Variants in PTP4A1 observed in about 807,000 individuals in gnomAD.
The protein encoded by PTP4A1 is protein tyrosine phosphatase 4A1.
PTP4A1 carries 9 observed loss-of-function variants against 20.5 expected under a neutral mutation model. The ratio of observed to expected loss-of-function variants is 0.44; its 90% CI spans 0.26 to 0.77. The LOEUF (loss-of-function observed/expected upper bound fraction) is 0.77, where lower values mean the gene tolerates loss of function less well. Among genes scored for constraint, PTP4A1 ranks in the 30% least tolerant of loss-of-function variants. The pLI, the probability that PTP4A1 is intolerant of heterozygous loss-of-function variation, is 0.19. For synonymous variants in PTP4A1, 78 were observed against 67.4 expected (o/e 1.16, Z -0.77); for missense variants, 137 against 218.8 (o/e 0.63, Z 2.36).
intron 3 of PTP4A1, among the ~76,000 whole-genome samples, chr6:63,550,827 T>C (rs1273812001): frequency 1.3e-5 from 2 of 152,172 alleles, no homozygotes; most frequent in Admixed American, 1.3e-4. Flanking sequence ...GATTTCACCA[T>C]GTTGGCCAGG....
upstream of PTP4A1, among the ~76,000 whole-genome samples, chr6:63,568,912 T>A (rs920475151): frequency 6.6e-6 from 1 of 152,194 alleles, no homozygotes; most frequent in Non-Finnish European, 1.5e-5. Flanking sequence ...TTATGGCCCA[T>A]TGGGGTATTT....
chr6:63,568,893 C>G (rs548692931), upstream of PTP4A1, among the ~76,000 whole-genome samples: 93 of 152,144 alleles, frequency 6.1e-4, no homozygotes, highest in Non-Finnish European at 9.0e-4. Context: ...TATCCAGACA[C>G]TTACTAGATT....
In PTP4A1 at chr6:63,538,000, G is replaced by A. The variant is rs185237561; in HGVS notation, c.-640+9916G>A. On this transcript the variant is annotated intron_variant, in intron 2 of 3. Coordinates refer to the PTP4A1 transcript ENST00000639568. ...TTGCATCAGTCAGAGTTTACCTGAG[G>A]CCAGTCTTGTATAGCCAAATGGAGA... 1.2e-3 allele frequency among the ~76,000 whole-genome samples: 187 copies of A among 152,332 alleles called. 1 individual carries two copies. The highest frequency in any genetic ancestry group is 0.011 in the Admixed American group (167 of 15,298).
intron 2 of PTP4A1, among the ~76,000 whole-genome samples, chr6:63,544,076 C>T (rs561880782): frequency 6.6e-6 from 1 of 152,232 alleles, no homozygotes; most frequent in South Asian, 2.1e-4. Flanking sequence ...GTTTCCTTTT[C>T]TGCCTGTGAG....
intron 2 of PTP4A1, among the ~76,000 whole-genome samples, chr6:63,547,584 C>T (rs774228619): frequency 2.7e-5 from 4 of 145,926 alleles, no homozygotes; most frequent in East Asian, 2.0e-4. Context: ...TGGCTCACTG[C>T]GAGCTCCGCC....
At chr6:63,526,406 A>G (rs973645352) in intron 1 of PTP4A1, among the ~76,000 whole-genome samples, 39 of 152,280 alleles carry the variant, frequency 2.6e-4, no homozygotes, top group African/African-American at 9.4e-4. Context: ...TTCTATTATC[A>G]AAAATGAAGA....
intron 1 of PTP4A1, among the ~76,000 whole-genome samples, chr6:63,523,334 A>G (rs889626677): frequency 6.6e-6 from 1 of 152,068 alleles, no homozygotes; most frequent in South Asian, 2.1e-4. Flanking sequence ...GGAGTTCGAG[A>G]CTAGCCTGGC....
chr6:63,528,585 G>C lies in PTP4A1; in HGVS notation c.-640+501G>C, dbSNP rs980625563. Reference sequence around the variant, plus strand: ...ACAAAAAATATAACAAAACAAATTAGCCAGCCATGAAAAACTAGCCAGGCA... The same window carrying C: ...ACAAAAAATATAACAAAACAAATTACCCAGCCATGAAAAACTAGCCAGGCA... On this transcript the variant is annotated intron_variant, in intron 2 of 3. Transcript: ENST00000639568. 2.0e-5 allele frequency among the ~76,000 whole-genome samples: 3 copies of C among 151,866 alleles called. No homozygotes were observed. The East Asian group carries it at 5.9e-4, about 30-fold the overall frequency.
intron 1 of PTP4A1, among the ~76,000 whole-genome samples, chr6:63,522,737 A>C (rs1581906058): frequency 6.6e-6 from 1 of 152,264 alleles, no homozygotes; most frequent in Admixed American, 6.5e-5. Context: ...TTTCAACAAT[A>C]GGGGAGATAC....
chr6:63,530,272 A>C (rs547087102), intron 2 of PTP4A1, among the ~76,000 whole-genome samples: 1 of 152,342 alleles, frequency 6.6e-6, no homozygotes, highest in African/African-American at 2.4e-5. Context: ...GAAAAGGCAT[A>C]GATGTAACCT....
rs551776253 is a variant in PTP4A1, at chr6:63,535,371, A to G, written c.-640+7287A>G. ...CCCAGCTACTCAACTTGGGTGCCTG[A>G]GGCACGAGAATCACTTGAACAGGGA... On this transcript the variant is annotated intron_variant, in intron 2 of 3. Coordinates refer to the PTP4A1 transcript ENST00000639568. 2.5e-4 allele frequency among the ~76,000 whole-genome samples: 38 copies of G among 152,056 alleles called. No homozygotes were observed. The South Asian group carries it at 7.1e-3, about 28-fold the overall frequency.
At chr6:63,526,534 G>A (rs1429978378) in intron 1 of PTP4A1, among the ~76,000 whole-genome samples, 2 of 151,812 alleles carry the variant, frequency 1.3e-5, no homozygotes, top group African/African-American at 4.8e-5. Context: ...TTTAGGCCAG[G>A]CGCAGTGGCT....
Position 63,576,982 on chromosome 6 carries a change from A to C in PTP4A1, c.102A>C (p.Ile34=), listed in dbSNP as rs780389234. 3.8e-5 allele frequency: 61 copies of C among 1,605,490 alleles called. No homozygotes were observed. Among genetic ancestry groups the C allele is most frequent in the Admixed American group, 6.7e-5 (4 of 59,950 alleles). ...NPTNATLNKF[I]EELKKYGVTT... is the part of the protein sequence containing the mutation. ...CCAATGCGACCTTAAACAAATTTAT[A>C]GAGGTAAGATTTGATATGTTTTAGT... The change falls in exon 2 of 6, where the codon ATA becomes ATC. Residue 34 remains isoleucine, a synonymous_variant. Coordinates refer to ENST00000626021, the MANE Select transcript of PTP4A1 (RefSeq NM_003463.5).
At chr6:63,540,260 T>C (rs1206158324) in intron 2 of PTP4A1, among the ~76,000 whole-genome samples, 1 of 126,852 alleles carries the variant, frequency 7.9e-6, no homozygotes, top group South Asian at 2.6e-4. Context: ...GGAGCCCAGA[T>C]GTATATAGAA....
intron 2 of PTP4A1, among the ~76,000 whole-genome samples, chr6:63,546,355 G>A (rs774512976): frequency 1.3e-5 from 2 of 152,192 alleles, no homozygotes; most frequent in Non-Finnish European, 2.9e-5. Flanking sequence ...GCAGAGAGTA[G>A]AATGGTGGTT....
At position 63,546,533 on chromosome 6, in the gene PTP4A1, C is replaced by T. The variant is rs933163231; in HGVS notation, c.-639-3767C>T. Among the ~76,000 whole-genome samples, 15 of 152,294 alleles carry T rather than the reference C, an allele frequency of 9.8e-5. No homozygotes were observed. The East Asian group carries it at 2.7e-3, about 27-fold the overall frequency. ...CCAGCCTGACCAATATGGTGAAACC[C>T]TCTCTCTACTAAATACATAAAAATT... is the stretch of plus-strand genomic sequence containing the variant. On this transcript the variant is annotated intron_variant, in intron 2 of 3. Transcript: ENST00000639568.
At chr6:63,523,189 AC>A (rs901086829) in intron 1 of PTP4A1, among the ~76,000 whole-genome samples, 2 of 150,968 alleles carry the variant, frequency 1.3e-5, no homozygotes, top group African/African-American at 4.9e-5. Context: ...ATTTTTTTTT[AC>A]ATCACTCTTA....
chr6:63,567,434 A>T (rs1347051932), intron 3 of PTP4A1, among the ~76,000 whole-genome samples: 1 of 152,236 alleles, frequency 6.6e-6, no homozygotes, highest in Non-Finnish European at 1.5e-5. Flanking sequence ...CATTTCAGTG[A>T]CCATGTGCAT....
Position 63,583,181 on chromosome 6 carries a change from G to A in PTP4A1, c.*3007G>A, listed in dbSNP as rs989931628. ...TTTGAGAATACTTTAAAGGGAAGTG[G>A]AAGTATAAGTGAATGATATTTTTCT... On this transcript the variant is annotated 3_prime_UTR_variant, in exon 6 of 6. Transcript: ENST00000626021. 6.6e-6 allele frequency: 1 copy of A among 152,132 alleles called. No homozygotes were observed. Among genetic ancestry groups the A allele is most frequent in the African/African-American group, 2.4e-5 (1 of 41,416 alleles). The allele number at this position is 152,132 out of a possible 1,614,324, so 9.4% of individuals were successfully genotyped here.
Sources: allele counts gnomAD v4.1 joint callset (sites outside exome capture counted in the v4.1 genomes callset), GRCh38; gene constraint gnomAD v4.1.1; transcripts MANE v1.5; gene names NCBI Gene and HGNC (gene_info 2026-07-23, HGNC 2026-07-21).